Variants in SNURF observed in about 807,000 individuals in gnomAD.
SNURF encodes SNURF protein.
SNURF carries 6 observed loss-of-function variants against 11.6 expected under a neutral mutation model. The ratio of observed to expected loss-of-function variants is 0.52; its 90% CI spans 0.28 to 1.02. The LOEUF (loss-of-function observed/expected upper bound fraction) is 1.02. SNURF is among the 50% of genes least tolerant of loss of function. The pLI is 0.09. For missense variants in SNURF, 84 were observed against 88.4 expected (o/e 0.95, Z 0.20); for synonymous variants, 29 against 31.6 (o/e 0.92, Z 0.27).
chr15:24,955,739 T>G (rs1596149968), intron 1 of SNURF, among the ~76,000 whole-genome samples: 8 of 137,586 alleles, frequency 5.8e-5, no homozygotes, highest in Admixed American at 1.4e-4. Flanking sequence ...GGCTGGGAGG[T>G]AGGGGGAAGG....
At chr15:24,973,276 A>G (rs921335704), downstream of SNURF, among the ~76,000 whole-genome samples, 1 of 152,144 alleles carries the variant, frequency 6.6e-6, no homozygotes, top group Non-Finnish European at 1.5e-5. Context: ...GATCTACCAT[A>G]TTGCCTAAGA....
chr15:24,978,527 C>G (rs2077319910), downstream of SNURF: 7 of 1,214,684 alleles, frequency 5.8e-6, no homozygotes, highest in South Asian at 8.5e-5. Flanking sequence ...GCTTTTTGTT[C>G]CCTCATTCTG....
chr15:24,978,551 TAATA>T, downstream of SNURF: 1 of 977,908 alleles, frequency 1.0e-6, no homozygotes, highest in South Asian at 1.3e-5. Flanking sequence ...TAATAATAGC[TAATA>T]ATAAATGCAT....
At chr15:24,967,198 A>G (rs558411230) in intron 2 of SNURF, 3 of 152,410 alleles carry the variant, frequency 2.0e-5, no homozygotes, top group African/African-American at 4.8e-5. Flanking sequence ...CAAGGCTGCC[A>G]GCTCTTGTGT....
chr15:24,975,069 GT>G (rs2076913694), intron 3 of SNURF: 1 of 681,126 alleles, frequency 1.5e-6, no homozygotes, highest in Admixed American at 2.1e-5. Flanking sequence ...TTGTGGTTTG[GT>G]TTACTTAGGG....
downstream of SNURF, among the ~76,000 whole-genome samples, chr15:24,971,370 A>C (rs561032877): frequency 2.0e-5 from 3 of 152,086 alleles, no homozygotes; most frequent in Non-Finnish European, 4.4e-5. Context: ...TTCTTCTTTC[A>C]CTTACAAGGT....
downstream of SNURF, among the ~76,000 whole-genome samples, chr15:24,973,076 T>G (rs2076633186): frequency 6.6e-6 from 1 of 151,896 alleles, no homozygotes; most frequent in African/African-American, 2.4e-5. Context: ...TTAGTAGAGA[T>G]AGGGTTTTCG....
chr15:24,962,750 T>A (rs2075031042), intron 2 of SNURF, among the ~76,000 whole-genome samples: 1 of 152,214 alleles, frequency 6.6e-6, no homozygotes, highest in African/African-American at 2.4e-5. Context: ...GAAATTTTAA[T>A]TAAAAATAGG....
intron 2 of SNURF, among the ~76,000 whole-genome samples, chr15:24,962,924 A>G (rs935404904): frequency 2.6e-5 from 4 of 152,168 alleles, no homozygotes; most frequent in Non-Finnish European, 4.4e-5. Flanking sequence ...AATTATAAGT[A>G]TTAAAAATTC....
At chr15:24,978,034 C>G, downstream of SNURF, 1 of 1,224,564 alleles carries the variant, frequency 8.2e-7, no homozygotes. Context: ...CTTCTAGATA[C>G]TGGTTTTTAA....
exon 3 of SNURF, chr15:24,968,162 A>G (rs528062460): frequency 1.2e-6 from 1 of 850,934 alleles, no homozygotes; most frequent in Admixed American, 2.0e-5. Context: ...ATTATCAGTG[A>G]CACATTAATT....
At chr15:24,974,676 A>G (rs2076860293) in intron 3 of SNURF, 1 of 624,124 alleles carries the variant, frequency 1.6e-6, no homozygotes, top group African/African-American at 1.8e-5. Flanking sequence ...TCTGGAGTGC[A>G]GTGGTGCGGT....
downstream of SNURF, among the ~76,000 whole-genome samples, chr15:24,970,509 G>A (rs148083165): frequency 6.7e-4 from 102 of 152,290 alleles, no homozygotes; most frequent in African/African-American, 2.3e-3. Context: ...AACCCTAGGG[G>A]CAGAGGTTGC....
intron 2 of SNURF, among the ~76,000 whole-genome samples, chr15:24,962,572 G>C (rs895186919): frequency 6.6e-6 from 1 of 151,964 alleles, no homozygotes; most frequent in African/African-American, 2.4e-5. Flanking sequence ...ATTCATTCTT[G>C]CTCTGTGATA....
downstream of SNURF, among the ~76,000 whole-genome samples, chr15:24,972,976 C>T (rs1263271506): frequency 3.3e-5 from 5 of 152,138 alleles, no homozygotes; most frequent in Non-Finnish European, 7.4e-5. Flanking sequence ...CAAACTCTGC[C>T]TCCTGGTTTC....
chr15:24,973,717 C>T (rs572488364), downstream of SNURF, among the ~76,000 whole-genome samples: 4 of 152,166 alleles, frequency 2.6e-5, no homozygotes, highest in South Asian at 8.3e-4. Flanking sequence ...TGATTTATAA[C>T]TTTGTCCTTC....
At chr15:24,975,059 T>C (rs2076913346) in intron 3 of SNURF, 2 of 687,874 alleles carry the variant, frequency 2.9e-6, no homozygotes, top group South Asian at 3.1e-5. Context: ...CCCTACATCA[T>C]TGTGGTTTGG....
rs573573776 is a variant in SNURF, at chr15:24,974,462, C to A, written c.*46-896C>A. ...TTGGTGGAACAGCAATCATGGTAAGCTGTATGATAAGGCTGAGGGTTGAAA... is the reference window on the plus strand; with the variant it reads ...TTGGTGGAACAGCAATCATGGTAAGATGTATGATAAGGCTGAGGGTTGAAA... On this transcript the variant is annotated intron_variant and NMD_transcript_variant, in intron 3 of 6. Transcript: ENST00000580062. 4 of 1,613,596 alleles carry A rather than the reference C, an allele frequency of 2.5e-6. No homozygotes were observed. The South Asian group carries it at 4.4e-5, about 18-fold the overall frequency.
chr15:24,974,430 A>T, intron 3 of SNURF: 1 of 1,613,016 alleles, frequency 6.2e-7, no homozygotes, highest in South Asian at 1.1e-5. Context: ...AACTGTGGAC[A>T]TTGGATTTGG....
Sources: gnomAD v4.1 joint callset for allele counts (sites outside exome capture counted in the v4.1 genomes callset) on GRCh38, gnomAD v4.1.1 for gene constraint, MANE v1.5 for transcripts, NCBI Gene and HGNC (gene_info 2026-07-23, HGNC 2026-07-21) for gene names.